Variants in MOB1B observed in about 807,000 individuals in gnomAD.
MOB1B encodes the protein MOB1 Mps One Binder homolog B.
Under a neutral mutation model 24.4 loss-of-function variants are expected in MOB1B, and 19 were observed. That is an observed-to-expected ratio of 0.78 (90% confidence interval 0.54 to 1.14). The LOEUF (loss-of-function observed/expected upper bound fraction) is 1.14. Among genes scored for constraint, MOB1B ranks in the 50% most tolerant of loss-of-function variants. The probability of loss-of-function intolerance (pLI) is 0.00; values close to 1 mark genes in which losing one functional copy is unlikely to be tolerated. For synonymous variants in MOB1B, 76 were observed against 82.1 expected, an observed-to-expected ratio of 0.93 and a Z score of 0.40; for missense variants, 243 against 259.6, an observed-to-expected ratio of 0.94 and a Z score of 0.44.
At position 70,982,662 on chromosome 4, in the gene MOB1B, A is replaced by AT. The variant is rs1439212984; in HGVS notation, c.*611dup. The AT allele has an allele frequency of 1.3e-5, 2 of 152,572 alleles. No individual in the cohort carries two copies. The highest frequency in any genetic ancestry group is 2.4e-5 in the African/African-American group (1 of 41,430). 9.5% of individuals were successfully genotyped at this position (152,572 alleles called of 1,614,324 possible). A position where few individuals can be genotyped will look rare whatever the true frequency, so the allele number is the denominator to read the frequency against. ...AGAACATAAAAAATATTTCTTAATT[A>AT]TTTTTTATATTGATGGTAATATATT... On this transcript the variant is annotated 3_prime_UTR_variant, in exon 6 of 6. Transcript: ENST00000309395.
At chr4:70,951,433 C>G (rs987333790) in intron 1 of MOB1B, among the ~76,000 whole-genome samples, 9 of 152,218 alleles carry the variant, frequency 5.9e-5, no homozygotes, top group African/African-American at 2.2e-4. Context: ...GAGTTGTTTA[C>G]TAGACAAATC....
chr4:70,920,195 T>A (rs917694052), intron 1 of MOB1B, among the ~76,000 whole-genome samples: 26 of 152,136 alleles, frequency 1.7e-4, no homozygotes, highest in African/African-American at 6.3e-4. Context: ...TGACAAAATA[T>A]TTGATTTAAG....
Position 70,943,880 on chromosome 4 carries a change from A to C in MOB1B, c.15-14994A>C, listed in dbSNP as rs527389166. Among the ~76,000 whole-genome samples the C allele has an allele frequency of 2.6e-4, 39 of 152,320 alleles. 1 individual carries two copies. Among genetic ancestry groups the C allele is most frequent in the Admixed American group, 7.2e-4 (11 of 15,298 alleles). On this transcript the variant is annotated intron_variant, in intron 1 of 5. Coordinates refer to ENST00000309395, the MANE Select transcript of MOB1B (RefSeq NM_173468.4). The stretch of plus-strand genomic sequence containing the variant: ...TCTTTTTCAATCAAAATAAAAAAAA[A>C]CAAAACATTTCCCTTTTTGAGAAAA...
chr4:70,981,105 T>C (rs1739197224), intron 5 of MOB1B, among the ~76,000 whole-genome samples: 1 of 152,206 alleles, frequency 6.6e-6, no homozygotes, highest in South Asian at 2.1e-4. Context: ...TTAACAACAT[T>C]CTAGCTTAAT....
At chr4:70,926,274 T>C (rs966372482) in intron 1 of MOB1B, among the ~76,000 whole-genome samples, 1 of 151,998 alleles carries the variant, frequency 6.6e-6, no homozygotes, top group Non-Finnish European at 1.5e-5. Flanking sequence ...ATTTTTTTTT[T>C]TTTTTTAATT....
chr4:70,950,732 A>G (rs754712063), intron 1 of MOB1B: 12 of 1,531,768 alleles, frequency 7.8e-6, no homozygotes, highest in Non-Finnish European at 1.0e-5. Flanking sequence ...TGGAACTTTC[A>G]GTTAACAAGT....
intron 4 of MOB1B, chr4:70,976,671 G>A: frequency 1.0e-6 from 1 of 965,378 alleles, no homozygotes. Context: ...TTGTTGTTAT[G>A]GAGTACTTTA....
At chr4:70,934,832 A>G (rs1737019943) in intron 1 of MOB1B, among the ~76,000 whole-genome samples, 1 of 152,046 alleles carries the variant, frequency 6.6e-6, no homozygotes, top group Non-Finnish European at 1.5e-5. Context: ...TTTCATATGT[A>G]TTCATTAGTC....
intron 2 of MOB1B, among the ~76,000 whole-genome samples, chr4:70,964,874 G>C (rs1028359023): frequency 9.9e-5 from 15 of 151,094 alleles, no homozygotes; most frequent in African/African-American, 3.6e-4. Context: ...AGCTTGTAGT[G>C]AGCTGAGATT....
intron 1 of MOB1B, among the ~76,000 whole-genome samples, chr4:70,935,654 A>G (rs1055688754): frequency 1.3e-5 from 2 of 150,578 alleles, no homozygotes; most frequent in African/African-American, 4.9e-5. Context: ...GTTAACCATT[A>G]TACTCTTTTT....
intron 1 of MOB1B, among the ~76,000 whole-genome samples, chr4:70,949,003 T>C (rs1363438534): frequency 6.6e-6 from 1 of 152,198 alleles, no homozygotes; most frequent in East Asian, 1.9e-4. Context: ...GCCTATAATC[T>C]TCTGGAGATC....
At position 70,982,011 on chromosome 4, in the gene MOB1B, C is replaced by G. The variant is rs760065451; in HGVS notation, c.605C>G (p.Ala202Gly). 10 of 1,612,046 alleles carry G rather than the reference C, an allele frequency of 6.2e-6. No individual in the cohort carries two copies. The highest frequency in any genetic ancestry group is 2.7e-5 in the African/African-American group (2 of 74,840). Residue 202 changes from alanine to glycine, a missense_variant, in exon 6 of 6, where the codon GCA (alanine) becomes GGA (glycine). By Grantham distance (60) the Ala-to-Gly change is moderately conservative. Transcript: ENST00000309395. Reference protein sequence around the residue: ...EFNLIDRRELAPLQELIEKLT... With the variant: ...EFNLIDRRELGPLQELIEKLT... ...AACCTTATTGATAGAAGAGAACTTG[C>G]ACCACTCCAAGAACTGATTGAAAAA...
At chr4:70,909,439 G>A (rs769488178) in intron 1 of MOB1B, among the ~76,000 whole-genome samples, 5 of 152,020 alleles carry the variant, frequency 3.3e-5, no homozygotes, top group Non-Finnish European at 7.4e-5. Context: ...GCCAATTTGA[G>A]TTATAGTGAG....
In MOB1B at chr4:70,943,170, G is replaced by T. The variant is rs910276778; in HGVS notation, c.15-15704G>T. ...TAAAACCATAGGGTCATTTCTGATG[G>T]TTTTTTTGACATAATATTGTATAAG... On this transcript the variant is annotated intron_variant, in intron 1 of 5. Transcript: ENST00000309395. Among the ~76,000 whole-genome samples the T allele has an allele frequency of 2.6e-5, 4 of 152,084 alleles. No individual in the cohort carries two copies. The East Asian group carries it at 5.8e-4, about 22-fold the overall frequency.
chr4:70,910,009 A>G (rs1382683138), intron 1 of MOB1B, among the ~76,000 whole-genome samples: 1 of 151,460 alleles, frequency 6.6e-6, no homozygotes, highest in Non-Finnish European at 1.5e-5. Flanking sequence ...CGGCCTCCCA[A>G]AGTGCTGGGA....
At chr4:70,951,038 G>A (rs1737782180) in intron 1 of MOB1B, among the ~76,000 whole-genome samples, 1 of 152,118 alleles carries the variant, frequency 6.6e-6, no homozygotes, top group Admixed American at 6.5e-5. Context: ...TACATGATTT[G>A]TAACACAAAT....
intron 4 of MOB1B, chr4:70,976,140 G>A: frequency 1.2e-6 from 1 of 863,062 alleles, no homozygotes; most frequent in Non-Finnish European, 1.4e-6. Flanking sequence ...GACCTCAAGT[G>A]ATCTACCCAC....
At chr4:70,911,476 G>C (rs909306935) in intron 1 of MOB1B, among the ~76,000 whole-genome samples, 1 of 151,968 alleles carries the variant, frequency 6.6e-6, no homozygotes, top group Non-Finnish European at 1.5e-5. Flanking sequence ...AATGTGGGGA[G>C]TGGAAGTAAA....
At chr4:70,965,382 T>A (rs1460640145) in intron 2 of MOB1B, among the ~76,000 whole-genome samples, 1 of 149,294 alleles carries the variant, frequency 6.7e-6, no homozygotes, top group Non-Finnish European at 1.5e-5. Context: ...GAAAAAAATA[T>A]TTTAATATTT....
Sources: allele counts gnomAD v4.1 joint callset (sites outside exome capture counted in the v4.1 genomes callset), GRCh38; gene constraint gnomAD v4.1.1; transcripts MANE v1.5; gene names NCBI Gene and HGNC (gene_info 2026-07-23, HGNC 2026-07-21).